The following TMOD1 variants were observed in gnomAD, a reference collection of about 807,000 sequenced individuals.
TMOD1 encodes the protein tropomodulin 1, also known as tropomodulin-1.
TMOD1 carries 17 observed loss-of-function variants against 40.6 expected under a neutral mutation model. The observed-to-expected ratio is 0.42, with a 90% CI of 0.29 to 0.63. The LOEUF is 0.63. Ranked by LOEUF, TMOD1 falls within the 20% of genes least tolerant of loss-of-function variation. TMOD1 has a pLI of 0.22. For synonymous variants in TMOD1, 181 were observed against 175.0 expected, an observed-to-expected ratio of 1.03 and a Z score of -0.27; for missense variants, 391 against 447.6, an observed-to-expected ratio of 0.87 and a Z score of 1.14.
chr9:97,512,703 T>G, intron 1 of TMOD1: 1 of 150,410 alleles, frequency 6.6e-6, no homozygotes, highest in East Asian at 1.9e-4. Context: ...CCATACAATG[T>G]TCAAAAAGCC....
Position 97,600,993 on chromosome 9 carries a change from A to G in TMOD1, c.*1295A>G, listed in dbSNP as rs1351277302. 6.4e-6 allele frequency: 8 copies of G among 1,252,028 alleles called. No individual in the cohort carries two copies. In the African/African-American group the frequency reaches 1.2e-4, roughly 20 times the overall value. 77.6% of individuals were successfully genotyped at this position (1,252,028 alleles called of 1,614,324 possible). ...TAAAGGACAAGGTCAAGAACTCCAG[A>G]GCACTGAGCAGAGAGGCTGGTGATG... On this transcript the variant is annotated 3_prime_UTR_variant, in exon 10 of 10. Coordinates refer to ENST00000259365, the MANE Select transcript of TMOD1 (RefSeq NM_003275.4).
At chr9:97,537,953 A>G (rs1381817910) in intron 2 of TMOD1, among the ~76,000 whole-genome samples, 1 of 152,194 alleles carries the variant, frequency 6.6e-6, no homozygotes, top group Non-Finnish European at 1.5e-5. Context: ...TGCCTTGCAG[A>G]TATGTTTTAT....
intron 2 of TMOD1, among the ~76,000 whole-genome samples, chr9:97,540,864 A>T (rs1323908172): frequency 6.6e-6 from 1 of 152,246 alleles, no homozygotes; most frequent in East Asian, 1.9e-4. Context: ...GTGGACATAC[A>T]TCTGCTGCAT....
intron 8 of TMOD1, among the ~76,000 whole-genome samples, chr9:97,588,055 A>G (rs1404927637): frequency 2.0e-5 from 3 of 152,210 alleles, no homozygotes; most frequent in Non-Finnish European, 4.4e-5. Context: ...TAATGCTGTT[A>G]TGAGCATTCA....
At chr9:97,554,187 T>A (rs886711169) in intron 4 of TMOD1, among the ~76,000 whole-genome samples, 1 of 9,562 alleles carries the variant, frequency 1.0e-4, no homozygotes, top group African/African-American at 4.3e-4. Context: ...GGCAGGAGGG[T>A]GGGCGGGGTG....
rs1219059584 is a variant in TMOD1 at position 97,523,137 on chromosome 9, A to G, written c.-48-1004A>G. 6.6e-5 allele frequency among the ~76,000 whole-genome samples: 10 copies of G among 152,148 alleles called. No individual in the cohort carries two copies. The East Asian group carries it at 7.7e-4, about 12-fold the overall frequency. On this transcript the variant is annotated intron_variant, in intron 1 of 9. Transcript: ENST00000259365. ...AGATCTTCAAGGTATAAAAAAGGGG[A>G]AAAAAAAGTGTGTGTGGAGAGGCTC...
intron 1 of TMOD1, among the ~76,000 whole-genome samples, chr9:97,518,173 C>A (rs1829853300): frequency 6.6e-6 from 1 of 152,158 alleles, no homozygotes; most frequent in Non-Finnish European, 1.5e-5. Context: ...GTGAATGTGA[C>A]CTGTGAATGT....
rs558265713 is a variant in TMOD1, at chr9:97,589,316, C to A, written c.871-1975C>A. 5.7e-4 allele frequency among the ~76,000 whole-genome samples: 69 copies of A among 120,412 alleles called. No homozygotes were observed. In the East Asian group the frequency reaches 0.017, roughly 29 times the overall value. 79.0% of individuals were successfully genotyped at this position (120,412 alleles called of 152,430 possible). On this transcript the variant is annotated intron_variant, in intron 8 of 9. Transcript: ENST00000259365. The stretch of plus-strand genomic sequence containing the variant: ...TTTTTTTTTGAGACAGAGTCTCATT[C>A]TGTTGCCAGGCTGGAGTGCAGTGGC...
chr9:97,502,051 G>T lies in TMOD1; in HGVS notation c.-49+248G>T, dbSNP rs1199584478. Among the ~76,000 whole-genome samples, 1 of 152,056 alleles carries T rather than the reference G, an allele frequency of 6.6e-6. No individual in the cohort carries two copies. Among genetic ancestry groups the T allele is most frequent in the African/African-American group, 2.4e-5 (1 of 41,424 alleles). ...CCGCGCGCGCAGCCCTGGCCAGGGC[G>T]CCCTCCGCTCTGGACCTCCGCACCG... On this transcript the variant is annotated intron_variant, in intron 1 of 9. Coordinates refer to ENST00000259365, the MANE Select transcript of TMOD1 (RefSeq NM_003275.4). The surrounding 1 kb of genome is among the most constrained non-coding windows in gnomAD (Gnocchi z 6.1).
chr9:97,505,347 A>T (rs1829574900), intron 1 of TMOD1, among the ~76,000 whole-genome samples: 1 of 152,164 alleles, frequency 6.6e-6, no homozygotes, highest in African/African-American at 2.4e-5. Flanking sequence ...TCCCTGTCTC[A>T]GTTCATGTTC....
intron 2 of TMOD1, among the ~76,000 whole-genome samples, chr9:97,539,822 C>T (rs1235721335): frequency 6.6e-6 from 1 of 151,614 alleles, no homozygotes; most frequent in African/African-American, 2.4e-5. Context: ...AAAAATTAGC[C>T]GAGCATGGTG....
At chr9:97,505,222 T>C (rs1338600460) in intron 1 of TMOD1, among the ~76,000 whole-genome samples, 1 of 152,218 alleles carries the variant, frequency 6.6e-6, no homozygotes, top group East Asian at 1.9e-4. Context: ...TTATGTCCTT[T>C]TGGTTTTCTT....
chr9:97,567,654 T>G (rs1587948057), intron 7 of TMOD1, among the ~76,000 whole-genome samples: 1 of 151,808 alleles, frequency 6.6e-6, no homozygotes, highest in Non-Finnish European at 1.5e-5. Context: ...AAGGTTCTGG[T>G]GGAAGACACA....
intron 2 of TMOD1, among the ~76,000 whole-genome samples, chr9:97,544,722 A>G (rs1830333782): frequency 6.6e-6 from 1 of 152,082 alleles, no homozygotes; most frequent in African/African-American, 2.4e-5. Flanking sequence ...TTTTAATGGT[A>G]CAAAGATTGA....
At chr9:97,550,602 T>C (rs1166609395) in intron 3 of TMOD1, among the ~76,000 whole-genome samples, 1 of 152,194 alleles carries the variant, frequency 6.6e-6, no homozygotes, top group African/African-American at 2.4e-5. Context: ...TAGTTTTGAT[T>C]TGCATCTCCC....
chr9:97,531,033 AC>A (rs202030181), intron 2 of TMOD1, among the ~76,000 whole-genome samples: 3 of 78,260 alleles, frequency 3.8e-5, no homozygotes, highest in African/African-American at 5.4e-5. Flanking sequence ...GGTGATCCAC[AC>A]CCACCCCCCC....
chr9:97,584,015 G>A (rs1489253114), intron 8 of TMOD1, among the ~76,000 whole-genome samples: 2 of 151,660 alleles, frequency 1.3e-5, no homozygotes, highest in African/African-American at 4.8e-5. Context: ...GTTCTGCTCT[G>A]ATCTTAGTTA....
intron 1 of TMOD1, among the ~76,000 whole-genome samples, chr9:97,511,720 G>T (rs1325713189): frequency 6.6e-6 from 1 of 152,182 alleles, no homozygotes; most frequent in Non-Finnish European, 1.5e-5. Context: ...GAGTAGCTGG[G>T]ACTACAGGAG....
intron 8 of TMOD1, among the ~76,000 whole-genome samples, chr9:97,583,097 T>A (rs1297905797): frequency 6.7e-6 from 1 of 149,064 alleles, no homozygotes; most frequent in Non-Finnish European, 1.5e-5. Flanking sequence ...AAGGGAATGC[T>A]TCCAGTTTTT....
Sources: gnomAD v4.1 joint callset for allele counts (sites outside exome capture counted in the v4.1 genomes callset) on GRCh38, gnomAD v4.1.1 for gene constraint, Gnocchi (gnomAD v3.1) non-coding constraint, MANE v1.5 for transcripts, NCBI Gene and HGNC (gene_info 2026-07-23, HGNC 2026-07-21) for gene names.